The following SHLD2 variants were observed in gnomAD, a reference collection of about 807,000 sequenced individuals.
SHLD2 encodes the protein shieldin complex subunit 2.
Under a neutral mutation model 73.2 loss-of-function variants are expected in SHLD2, and 30 were observed. The ratio of observed to expected loss-of-function variants is 0.41; its 90% confidence interval spans 0.31 to 0.56. SHLD2 has a LOEUF of 0.56. Among genes scored for constraint, SHLD2 ranks in the 20% least tolerant of loss-of-function variants. SHLD2 has a pLI of 0.28. For synonymous variants in SHLD2, 285 were observed against 370.1 expected, an observed-to-expected ratio of 0.77 and a Z score of 2.64; for missense variants, 745 against 1,055.9, an observed-to-expected ratio of 0.71 and a Z score of 4.08.
chr10:87,128,344 C>G (rs1414001719), intron 2 of SHLD2, among the ~76,000 whole-genome samples: 1 of 152,164 alleles, frequency 6.6e-6, no homozygotes. Context: ...TCCAAATTTC[C>G]CATTTTCTTT....
Position 87,157,270 on chromosome 10 carries a change from A to G in SHLD2, c.1526-778A>G, listed in dbSNP as rs1428548408. 3.3e-5 allele frequency among the ~76,000 whole-genome samples: 5 copies of G among 152,208 alleles called. 1 individual carries two copies. Among genetic ancestry groups the G allele is most frequent in the Non-Finnish European group, 7.4e-5 (5 of 68,026 alleles). ...CTGGAATCTAAATCTGTAAGTAATC[A>G]CTTGGAATTTATACATCCTTGGTTT... On this transcript the variant is annotated intron_variant, in intron 3 of 9. Coordinates refer to ENST00000298786, the MANE Select transcript of SHLD2 (RefSeq NM_001330112.2).
intron 6 of SHLD2, among the ~76,000 whole-genome samples, chr10:87,175,172 T>A (rs1249709256): frequency 3.3e-5 from 5 of 151,308 alleles, no homozygotes; most frequent in Admixed American, 2.6e-4. Context: ...TACAATTGTG[T>A]CTAAATGCTT....
chr10:87,150,747 A>G (rs1053521923), intron 2 of SHLD2, among the ~76,000 whole-genome samples: 11 of 151,338 alleles, frequency 7.3e-5, no homozygotes, highest in African/African-American at 2.7e-4. Flanking sequence ...GCAACAGAGC[A>G]AGACTCCATC....
intron 4 of SHLD2, among the ~76,000 whole-genome samples, chr10:87,160,292 G>T (rs1846711470): frequency 6.6e-6 from 1 of 151,986 alleles, no homozygotes; most frequent in Non-Finnish European, 1.5e-5. Context: ...CTCGACACCA[G>T]CCTGGATGAT....
intron 4 of SHLD2, among the ~76,000 whole-genome samples, chr10:87,158,782 A>G (rs1274811316): frequency 6.6e-6 from 1 of 152,190 alleles, no homozygotes; most frequent in Non-Finnish European, 1.5e-5. Context: ...AGTAAGGGAA[A>G]CAGTATAAAC....
At chr10:87,157,852 A>G (rs549714917) in intron 3 of SHLD2, among the ~76,000 whole-genome samples, 196 bp from the exon 4 acceptor site, 1 of 152,318 alleles carries the variant, frequency 6.6e-6, no homozygotes, top group African/African-American at 2.4e-5. Context: ...TAAAGAAGCA[A>G]TTTTGTTAAT....
intron 2 of SHLD2, among the ~76,000 whole-genome samples, chr10:87,145,879 C>T (rs1845569958): frequency 6.6e-6 from 1 of 152,056 alleles, no homozygotes; most frequent in African/African-American, 2.4e-5. Flanking sequence ...TGAGCTTTAA[C>T]CCTCTGAATA....
chr10:87,102,919 A>T (rs184771449), intron 2 of SHLD2, among the ~76,000 whole-genome samples: 3 of 151,862 alleles, frequency 2.0e-5, no homozygotes, highest in African/African-American at 4.8e-5. Context: ...AAAACAAGGT[A>T]CTAAAAATCT....
At chr10:87,150,174 C>G (rs1288919776) in intron 2 of SHLD2, among the ~76,000 whole-genome samples, 1 of 149,934 alleles carries the variant, frequency 6.7e-6, no homozygotes, top group Non-Finnish European at 1.5e-5. Context: ...AAGCGCTTCT[C>G]TTGCCTCAGA....
At chr10:87,149,820 T>C (rs942285604) in intron 2 of SHLD2, among the ~76,000 whole-genome samples, 7 of 152,046 alleles carry the variant, frequency 4.6e-5, no homozygotes, top group African/African-American at 1.7e-4. Flanking sequence ...TGTCCGCCTC[T>C]CAGGCTCAAG....
At chr10:87,177,145 T>C (rs939386121) in intron 7 of SHLD2, among the ~76,000 whole-genome samples, 17 of 151,868 alleles carry the variant, frequency 1.1e-4, no homozygotes, top group African/African-American at 2.4e-5. Flanking sequence ...CACAGACATA[T>C]AGAGGTGGTC....
intron 2 of SHLD2, among the ~76,000 whole-genome samples, chr10:87,122,173 CAAAAAAAAAA>C (rs10706744): frequency 2.3e-5 from 2 of 86,420 alleles, no homozygotes; most frequent in Non-Finnish European, 4.4e-5. Context: ...CACTGACTGT[CAAAAAAAAAA>C]AAAAAAAAAA....
chr10:87,134,847 C>G (rs753574060), intron 2 of SHLD2, among the ~76,000 whole-genome samples: 103 of 152,094 alleles, frequency 6.8e-4, no homozygotes, highest in Non-Finnish European at 1.3e-3. Flanking sequence ...CAGGCCTTCA[C>G]AGAATGTAAG....
chr10:87,112,053 T>C (rs577238912), intron 2 of SHLD2, among the ~76,000 whole-genome samples: 28 of 151,362 alleles, frequency 1.8e-4, no homozygotes, highest in South Asian at 1.3e-3. Flanking sequence ...CTGGCTAACA[T>C]GGTGAAACCC....
At chr10:87,108,010 A>G (rs1209038346) in intron 2 of SHLD2, among the ~76,000 whole-genome samples, 2 of 151,946 alleles carry the variant, frequency 1.3e-5, no homozygotes, top group Non-Finnish European at 2.9e-5. Flanking sequence ...CAGCCTCCCA[A>G]GTAGCTGGAA....
chr10:87,181,760 T>C (rs1395516853), intron 8 of SHLD2, among the ~76,000 whole-genome samples: 5 of 152,334 alleles, frequency 3.3e-5, no homozygotes, highest in African/African-American at 7.2e-5. Context: ...TTTTTATTTA[T>C]TTACAAGCCT....
upstream of SHLD2, among the ~76,000 whole-genome samples, chr10:87,095,028 G>A (rs1214351656): frequency 6.9e-6 from 1 of 145,572 alleles, no homozygotes; most frequent in African/African-American, 2.5e-5. Context: ...GCGCGCCGGC[G>A]GGGCGTCGGG....
In SHLD2 at chr10:87,101,140, C is replaced by T. The variant is rs147888224; in HGVS notation, c.-6+4151C>T. On this transcript the variant is annotated intron_variant, in intron 2 of 9. Transcript: ENST00000298786. ...AAAAATTATATGAGATGGTAACTCC[C>T]GAAATTCTGTGGCATAACAAGATTA... Among the ~76,000 whole-genome samples, 55 of 152,244 alleles carry T rather than the reference C, an allele frequency of 3.6e-4. No homozygotes were observed. The East Asian group carries it at 6.8e-3, about 19-fold the overall frequency.
At chr10:87,120,498 C>T (rs1466973945) in intron 2 of SHLD2, among the ~76,000 whole-genome samples, 2 of 151,856 alleles carry the variant, frequency 1.3e-5, no homozygotes, top group Admixed American at 6.6e-5. Context: ...CTGCCCGCCT[C>T]GGCCTCCCAA....
Sources: allele counts gnomAD v4.1 joint callset (sites outside exome capture counted in the v4.1 genomes callset), GRCh38; gene constraint gnomAD v4.1.1; transcripts MANE v1.5; gene names NCBI Gene and HGNC (gene_info 2026-07-23, HGNC 2026-07-21).